Variants in TRMU observed in about 807,000 individuals in gnomAD.
The protein encoded by TRMU is tRNA mitochondrial 2-thiouridylase.
TRMU carries 49 observed loss-of-function variants against 46.9 expected under a neutral mutation model. The ratio of observed to expected loss-of-function variants is 1.05; its 90% CI spans 0.83 to 1.33. The LOEUF is 1.33. TRMU is among the 40% of genes most tolerant of loss of function. The pLI is 0.00. For synonymous variants in TRMU, 241 were observed against 200.9 expected, an observed-to-expected ratio of 1.20 and a Z score of -1.69; for missense variants, 572 against 532.4, an observed-to-expected ratio of 1.07 and a Z score of -0.73.
At position 46,338,763 on chromosome 22, in the gene TRMU, G is replaced by T. The variant is rs992023676; in HGVS notation, c.248+819G>T. ...CTTTTGTTCCTGCAGTGGAAGGAGT[G>T]TAGGGCTCATCCTCTGGTGAGCCCT... On this transcript the variant is annotated intron_variant, in intron 2 of 10. Transcript: ENST00000645190. The surrounding 1 kb of genome is among the most constrained non-coding windows in gnomAD (Gnocchi z 4.5). 6.6e-6 allele frequency among the ~76,000 whole-genome samples: 1 copy of T among 152,192 alleles called. No homozygotes were observed. Among genetic ancestry groups the T allele is most frequent in the African/African-American group, 2.4e-5 (1 of 41,440 alleles).
At chr22:46,340,853 G>A (rs2078103583) in intron 2 of TRMU, among the ~76,000 whole-genome samples, 1 of 152,236 alleles carries the variant, frequency 6.6e-6, no homozygotes, top group Non-Finnish European at 1.5e-5. Context: ...AGGCGGCCGG[G>A]TAGAGTCTTT....
chr22:46,356,646 C>G (rs2078618547), intron 10 of TRMU, 196 bp from the exon 11 acceptor site: 1 of 628,980 alleles, frequency 1.6e-6, no homozygotes, highest in African/African-American at 1.8e-5. Flanking sequence ...AAGACCCTCC[C>G]TAGTGAAGCC....
rs747904726 is a variant in TRMU at position 46,352,124 on chromosome 22, A to G, written c.655A>G (p.Met219Val). The G allele has an allele frequency of 3.4e-5, 55 of 1,613,192 alleles. No individual in the cohort carries two copies. The highest frequency in any genetic ancestry group is 1.9e-5 in the Non-Finnish European group (23 of 1,180,044). The change falls in exon 6 of 11, where the codon ATG (methionine) becomes GTG (valine). Residue 219 changes from methionine to valine, a missense_variant. Physicochemically the swap from Met to Val is conservative, Grantham distance 21 (BLOSUM62 1). Transcript: ENST00000645190. Reference sequence around the variant, plus strand: ...GGCTGCCGTCTTCTCATTTCAGAGCATGGGCATGTGTTTCATCGGGAAGAG... The same window carrying G: ...GGCTGCCGTCTTCTCATTTCAGAGCGTGGGCATGTGTTTCATCGGGAAGAG... Reference protein sequence around the residue: ...LHHVLQKKESMGMCFIGKRNF... With the variant: ...LHHVLQKKESVGMCFIGKRNF...
At chr22:46,340,444 G>A (rs560264357) in intron 2 of TRMU, among the ~76,000 whole-genome samples, 3 of 152,358 alleles carry the variant, frequency 2.0e-5, no homozygotes, top group South Asian at 4.1e-4. Flanking sequence ...GAGTGGATGC[G>A]ATTTTTGAAG....
Position 46,335,939 on chromosome 22 carries a change from C to T in TRMU, c.82+93C>T, listed in dbSNP as rs572227982. ...GTGGCGTTGTGCACGTCTCCTCCCT[C>T]CCTGGGCCGCTGGTTGCGCGCGGGT... On this transcript the variant is annotated intron_variant, in intron 1 of 10. Coordinates refer to ENST00000645190, the MANE Select transcript of TRMU (RefSeq NM_018006.5). 124 of 1,498,242 alleles carry T rather than the reference C, an allele frequency of 8.3e-5. 2 individuals carry two copies. The South Asian group carries it at 1.4e-3, about 16-fold the overall frequency. 92.8% of individuals were successfully genotyped at this position (1,498,242 alleles called of 1,614,324 possible). A position where few individuals can be genotyped will look rare whatever the true frequency, so the allele number is the denominator to read the frequency against.
Position 46,350,199 on chromosome 22 carries a change from G to T in TRMU, c.479-92G>T. 1 of 1,464,948 alleles carries T rather than the reference G, an allele frequency of 6.8e-7. No individual in the cohort carries two copies. Among genetic ancestry groups the T allele is most frequent in the Non-Finnish European group, 9.5e-7 (1 of 1,049,954 alleles). 90.7% of individuals were successfully genotyped at this position (1,464,948 alleles called of 1,614,324 possible). A position where few individuals can be genotyped will look rare whatever the true frequency, so the allele number is the denominator to read the frequency against. On this transcript the variant is annotated intron_variant, in intron 4 of 10. Coordinates refer to ENST00000645190, the MANE Select transcript of TRMU (RefSeq NM_018006.5). The surrounding 1 kb of genome is among the most constrained non-coding windows in gnomAD (Gnocchi z 4.6). ...GATGTCTGCCTCTGACAGGCTAGGG[G>T]TAGTCTGTCTAAGTGAACAGAAGGA... is the stretch of plus-strand genomic sequence containing the variant.
chr22:46,343,777 C>G (rs1276485179), intron 3 of TRMU, among the ~76,000 whole-genome samples: 1 of 152,090 alleles, frequency 6.6e-6, no homozygotes, highest in African/African-American at 2.4e-5. Flanking sequence ...CTTCCTGTCC[C>G]CTGCCATTGG....
intron 2 of TRMU, 71 bp from the exon 3 acceptor site, chr22:46,343,191 T>G: frequency 1.8e-6 from 2 of 1,129,546 alleles, no homozygotes. Context: ...AACAAGCAAT[T>G]TAGTGAACTT....
rs1489779483 is a variant in TRMU at position 46,350,548 on chromosome 22, C to T, written c.651+85C>T. 12 of 1,523,250 alleles carry T rather than the reference C, an allele frequency of 7.9e-6. No homozygotes were observed. Among genetic ancestry groups the T allele is most frequent in the South Asian group, 1.1e-5 (1 of 88,406 alleles). The allele number at this position is 1,523,250 out of a possible 1,614,324, so 94.4% of individuals were successfully genotyped here. A position where few individuals can be genotyped will look rare whatever the true frequency, so the allele number is the denominator to read the frequency against. On this transcript the variant is annotated intron_variant, in intron 5 of 10. Transcript: ENST00000645190. This position sits in a 1 kb window ranked among gnomAD's most constrained non-coding sequence, Gnocchi z 4.6. ...GGAGCAGCTGGACCTGTGGGTCCCG[C>T]ACCACTTCCCCTTCTCCAGGACCTA...
At chr22:46,344,831 A>G (rs1252367244) in intron 3 of TRMU, among the ~76,000 whole-genome samples, 8 of 152,154 alleles carry the variant, frequency 5.3e-5, no homozygotes, top group Non-Finnish European at 2.9e-5. Flanking sequence ...ACAGATGTAA[A>G]GTGGATTGTT....
rs190896680 is a variant in TRMU, at chr22:46,347,958, G to A, written c.478+1414G>A. Among the ~76,000 whole-genome samples the A allele has an allele frequency of 1.3e-5, 2 of 152,124 alleles. No individual in the cohort carries two copies. The highest frequency in any genetic ancestry group is 4.8e-5 in the African/African-American group (2 of 41,410). On this transcript the variant is annotated intron_variant, in intron 4 of 10. Transcript: ENST00000645190. The surrounding 1 kb of genome is among the most constrained non-coding windows in gnomAD (Gnocchi z 5.0). Reference sequence around the variant, plus strand: ...GTCTGCCGCCCTCTGTTCCCTCCTCGCCTTCCTTCCTTATGCCACAGGGTG... The same window carrying A: ...GTCTGCCGCCCTCTGTTCCCTCCTCACCTTCCTTCCTTATGCCACAGGGTG...
chr22:46,353,790 C>T lies in TRMU; in HGVS notation c.796C>T (p.Gln266Ter). ...HKGWFLYTLGQRANIGGLREP... is the reference protein window; with the variant it reads ...HKGWFLYTLG ...AGGTTGGTTCCTGTATACCTTGGGC[C>T]AGAGAGCAAACATAGGTGGCCTGAG... is the stretch of plus-strand genomic sequence containing the variant. The change falls in exon 8 of 11, where the codon CAG becomes TAG. Residue 266 changes from glutamine to a stop codon, truncating the protein, a stop_gained. Coordinates refer to ENST00000645190, the MANE Select transcript of TRMU (RefSeq NM_018006.5). LOFTEE classifies it high-confidence loss of function. The T allele has an allele frequency of 6.2e-7, 1 of 1,613,940 alleles. No homozygotes were observed. Among genetic ancestry groups the T allele is most frequent in the Non-Finnish European group, 8.5e-7 (1 of 1,179,890 alleles).
intron 2 of TRMU, 44 bp downstream of exon 2, chr22:46,337,988 G>A (rs1601935884): frequency 6.2e-7 from 1 of 1,612,812 alleles, no homozygotes; most frequent in Non-Finnish European, 8.5e-7. Flanking sequence ...TCACACTGTG[G>A]ATCCTTGCAG....
intron 2 of TRMU, among the ~76,000 whole-genome samples, chr22:46,341,683 C>T (rs2147864126): frequency 6.6e-6 from 1 of 152,056 alleles, no homozygotes; most frequent in South Asian, 2.1e-4. Context: ...TCATAACCCT[C>T]TTGAAGTGAA....
chr22:46,357,031 C>T lies in TRMU; in HGVS notation c.*25C>T. On this transcript the variant is annotated 3_prime_UTR_variant, in exon 11 of 11. Coordinates refer to ENST00000645190, the MANE Select transcript of TRMU (RefSeq NM_018006.5). The stretch of plus-strand genomic sequence containing the variant: ...ACAGAGATGGATCTGCTAGAAGGAA[C>T]CTGGAGAGCAGGACCCATGGCTGGG... 6.2e-7 allele frequency: 1 copy of T among 1,613,092 alleles called. No individual in the cohort carries two copies. Among genetic ancestry groups the T allele is most frequent in the Non-Finnish European group, 8.5e-7 (1 of 1,179,930 alleles).
chr22:46,355,962 C>A (rs942958777), intron 9 of TRMU, 28 bp from the exon 10 acceptor site: 1 of 1,612,938 alleles, frequency 6.2e-7, no homozygotes, highest in Admixed American at 1.7e-5. Flanking sequence ...GCCTGTGCCC[C>A]CTCCAAGGGC....
Position 46,351,711 on chromosome 22 carries a change from CCT to C in TRMU, c.652-404_652-403del. ...AGGGCAGATGTGCTTGAGGAAGGCG[CCT>C]CTCTCCTCTGACTCCCCTGGAGCCC... On this transcript the variant is annotated intron_variant, in intron 5 of 10. Coordinates refer to ENST00000645190, the MANE Select transcript of TRMU (RefSeq NM_018006.5). The surrounding 1 kb of genome is among the most constrained non-coding windows in gnomAD (Gnocchi z 6.4). 1 of 330,550 alleles carries C rather than the reference CCT, an allele frequency of 3.0e-6. No homozygotes were observed. Among genetic ancestry groups the C allele is most frequent in the Admixed American group, 4.2e-5 (1 of 23,924 alleles). The allele number at this position is 330,550 out of a possible 1,614,324, so 20.5% of individuals were successfully genotyped here. A position where few individuals can be genotyped will look rare whatever the true frequency, so the allele number is the denominator to read the frequency against.
Position 46,336,587 on chromosome 22 carries a change from C to G in TRMU, c.82+741C>G, listed in dbSNP as rs1044903763. ...TTAAGCCGTCCCCTGTAAAATTCGG[C>G]TAACACCTGCCTCACGGGGTGACTG... On this transcript the variant is annotated intron_variant, in intron 1 of 10. Coordinates refer to ENST00000645190, the MANE Select transcript of TRMU (RefSeq NM_018006.5). The surrounding 1 kb of genome is among the most constrained non-coding windows in gnomAD (Gnocchi z 4.1). The G allele has an allele frequency of 6.6e-6, 1 of 152,286 alleles. No individual in the cohort carries two copies. Among genetic ancestry groups the G allele is most frequent in the African/African-American group, 2.4e-5 (1 of 41,462 alleles). The allele number at this position is 152,286 out of a possible 1,614,324, so 9.4% of individuals were successfully genotyped here. A position where few individuals can be genotyped will look rare whatever the true frequency, so the allele number is the denominator to read the frequency against.
intron 8 of TRMU, chr22:46,355,171 C>T: frequency 5.3e-6 from 3 of 564,414 alleles, no homozygotes; most frequent in South Asian, 4.0e-5. Context: ...CTGCAGCATT[C>T]ACTGTCATGG....
Sources: gnomAD v4.1 joint callset for allele counts (sites outside exome capture counted in the v4.1 genomes callset) on GRCh38, gnomAD v4.1.1 for gene constraint, Gnocchi (gnomAD v3.1) non-coding constraint, MANE v1.5 for transcripts, NCBI Gene and HGNC (gene_info 2026-07-23, HGNC 2026-07-21) for gene names.